Variants in SEMA5A observed in about 807,000 individuals in gnomAD.
The protein encoded by SEMA5A is semaphorin 5A, also known as semaphorin-5A.
A neutral mutation model predicts 135.5 loss-of-function variants in SEMA5A; 55 were observed. The ratio of observed to expected loss-of-function variants is 0.41; its 90% CI spans 0.33 to 0.51. The LOEUF (loss-of-function observed/expected upper bound fraction) is 0.51, where lower values mean the gene tolerates loss of function less well. Ranked by LOEUF, SEMA5A falls within the 20% of genes least tolerant of loss-of-function variation. The pLI, the probability that SEMA5A is intolerant of heterozygous loss-of-function variation, is 0.37. For synonymous variants in SEMA5A, 580 were observed against 546.5 expected, an observed-to-expected ratio of 1.06 and a Z score of -0.85; for missense variants, 1,290 against 1,419.9, an observed-to-expected ratio of 0.91 and a Z score of 1.47.
intron 2 of SEMA5A, among the ~76,000 whole-genome samples, chr5:9,404,259 A>G (rs1756788027): frequency 6.6e-6 from 1 of 152,154 alleles, no homozygotes; most frequent in African/African-American, 2.4e-5. Context: ...AAAGAATTAC[A>G]TATGATTTCT....
At chr5:9,349,100 C>T (rs1754001457) in intron 3 of SEMA5A, among the ~76,000 whole-genome samples, 3 of 152,214 alleles carry the variant, frequency 2.0e-5, no homozygotes, top group South Asian at 4.1e-4. Context: ...AGCTGTGGAA[C>T]TCAGGAGACA....
intron 1 of SEMA5A, among the ~76,000 whole-genome samples, chr5:9,529,900 G>A (rs1737347380): frequency 6.6e-6 from 1 of 152,178 alleles, no homozygotes; most frequent in Admixed American, 6.5e-5. Context: ...ATCTTCCCTT[G>A]TATCATTGGA....
Position 9,381,971 on chromosome 5 carries a change from TGTGTGTGTGTGC to T in SEMA5A, c.-77-1960_-77-1949del, listed in dbSNP as rs1411460273. Among the ~76,000 whole-genome samples, 20 of 128,832 alleles carry T rather than the reference TGTGTGTGTGTGC, an allele frequency of 1.6e-4. 1 individual carries two copies. Among genetic ancestry groups the T allele is most frequent in the African/African-American group, 5.1e-4 (15 of 29,640 alleles). 84.5% of individuals were successfully genotyped at this position (128,832 alleles called of 152,430 possible). On this transcript the variant is annotated intron_variant, in intron 2 of 22. Transcript: ENST00000382496. Reference sequence around the variant, plus strand: ...GTGTGTGTGTGTGTGTGTGTGTGTGTGTGTGTGTGTGCGCGCGCGCGCACATCAAGTTTCAGA... The same window carrying T: ...GTGTGTGTGTGTGTGTGTGTGTGTGTGCGCGCGCGCACATCAAGTTTCAGA...
At chr5:9,451,378 G>A (rs963999008) in intron 1 of SEMA5A, among the ~76,000 whole-genome samples, 2 of 152,166 alleles carry the variant, frequency 1.3e-5, no homozygotes, top group African/African-American at 4.8e-5. Context: ...TCATTAGACT[G>A]GGAACAAACT....
intron 3 of SEMA5A, among the ~76,000 whole-genome samples, chr5:9,361,684 C>T (rs1754701904): frequency 1.3e-5 from 2 of 152,212 alleles, no homozygotes; most frequent in Admixed American, 1.3e-4. Flanking sequence ...CATATTGATG[C>T]TACTAGGTTG....
chr5:9,387,602 A>C (rs983369149), intron 2 of SEMA5A, among the ~76,000 whole-genome samples: 4 of 152,216 alleles, frequency 2.6e-5, no homozygotes, highest in African/African-American at 9.6e-5. Flanking sequence ...ATCAAAGCCC[A>C]CGGTGTGTTC....
rs993992466 is a variant in SEMA5A, at chr5:9,545,350, A to C, written c.-175+234T>G. On this transcript the variant is annotated intron_variant, in intron 1 of 22. Transcript: ENST00000382496. This position sits in a 1 kb window ranked among gnomAD's most constrained non-coding sequence, Gnocchi z 4.5. ...CTCAGACCTCGGCACAGGCGGGTACACAAACTTCCAGCCCGTGCACTAGCT... is the reference window on the plus strand; with the variant it reads ...CTCAGACCTCGGCACAGGCGGGTACCCAAACTTCCAGCCCGTGCACTAGCT... Among the ~76,000 whole-genome samples, 4 of 151,550 alleles carry C rather than the reference A, an allele frequency of 2.6e-5. No individual in the cohort carries two copies. In the South Asian group the frequency reaches 8.3e-4, roughly 32 times the overall value.
intron 1 of SEMA5A, among the ~76,000 whole-genome samples, chr5:9,504,597 C>T (rs555341785): frequency 2.0e-5 from 3 of 152,286 alleles, no homozygotes; most frequent in South Asian, 4.1e-4. Context: ...GGGAATGCTT[C>T]GTAGGACTTA....
intron 11 of SEMA5A, among the ~76,000 whole-genome samples, chr5:9,161,238 G>A (rs1448039212): frequency 6.6e-6 from 1 of 152,064 alleles, no homozygotes; most frequent in Non-Finnish European, 1.5e-5. Flanking sequence ...TGGGAACGCA[G>A]TGACCTGAAC....
rs1355737056 is a variant in SEMA5A, at chr5:9,037,562, A to ATAAG, written c.*5331_*5334dup. On this transcript the variant is annotated 3_prime_UTR_variant, in exon 23 of 23. Coordinates refer to ENST00000382496, the MANE Select transcript of SEMA5A (RefSeq NM_003966.3). ...ACAATGTGTACAATGCATCTTTAAT[A>ATAAG]TAAGTCCATAGGAAAGGAGTATTTA... 2 of 152,230 alleles carry ATAAG rather than the reference A, an allele frequency of 1.3e-5. No homozygotes were observed. Among genetic ancestry groups the ATAAG allele is most frequent in the South Asian group, 2.1e-4 (1 of 4,838 alleles). The allele number at this position is 152,230 out of a possible 1,614,324, so 9.4% of individuals were successfully genotyped here.
At chr5:9,288,837 A>G (rs1303658951) in intron 5 of SEMA5A, among the ~76,000 whole-genome samples, 1 of 152,246 alleles carries the variant, frequency 6.6e-6, no homozygotes, top group Non-Finnish European at 1.5e-5. Context: ...TATCTCATTC[A>G]TATCATGTTG....
intron 5 of SEMA5A, among the ~76,000 whole-genome samples, chr5:9,298,454 A>G (rs1233247911): frequency 6.6e-6 from 1 of 152,218 alleles, no homozygotes; most frequent in African/African-American, 2.4e-5. Context: ...TGTTGTGTTA[A>G]GCCACCTAGC....
Position 9,066,649 on chromosome 5 carries a change from G to A in SEMA5A, c.2074-3C>T, listed in dbSNP as rs979017150. 6.2e-7 allele frequency: 1 copy of A among 1,613,192 alleles called. No homozygotes were observed. Among genetic ancestry groups the A allele is most frequent in the Admixed American group, 1.7e-5 (1 of 59,986 alleles). On this transcript the variant is annotated splice_polypyrimidine_tract_variant and splice_region_variant and intron_variant, in intron 16 of 22. Transcript: ENST00000382496. ...TTGGTGTTGCAAGACTGGTACTCCT[G>A]GGGAGAATGCGCAGACGAGTGTTAC...
At chr5:9,328,208 C>G (rs772401294) in intron 4 of SEMA5A, among the ~76,000 whole-genome samples, 91 of 152,148 alleles carry the variant, frequency 6.0e-4, no homozygotes, top group African/African-American at 1.9e-3. Context: ...TGAAACGTGT[C>G]TCAAATCTGG....
intron 3 of SEMA5A, among the ~76,000 whole-genome samples, chr5:9,369,244 G>A (rs1329383810): frequency 6.6e-6 from 1 of 152,186 alleles, no homozygotes; most frequent in Admixed American, 6.5e-5. Flanking sequence ...GTATCTCTGT[G>A]TGTGTGTGTA....
intron 8 of SEMA5A, among the ~76,000 whole-genome samples, chr5:9,213,104 G>T (rs1217151203): frequency 6.6e-6 from 1 of 152,106 alleles, no homozygotes; most frequent in Non-Finnish European, 1.5e-5. Flanking sequence ...TTGTTTACTC[G>T]GGCACGAATC....
intron 1 of SEMA5A, among the ~76,000 whole-genome samples, chr5:9,442,734 C>G (rs1295520503): frequency 6.6e-6 from 1 of 152,096 alleles, no homozygotes; most frequent in Admixed American, 6.5e-5. Flanking sequence ...AATATATTAA[C>G]TATCTAAAAT....
chr5:9,212,150 T>C (rs1368002275), intron 8 of SEMA5A, among the ~76,000 whole-genome samples: 1 of 152,228 alleles, frequency 6.6e-6, no homozygotes, highest in African/African-American at 2.4e-5. Flanking sequence ...AAGCACATAA[T>C]TCCTTCAAAA....
chr5:9,384,585 TA>T (rs1755761793), intron 2 of SEMA5A, among the ~76,000 whole-genome samples: 1 of 117,404 alleles, frequency 8.5e-6, no homozygotes, highest in African/African-American at 3.1e-5. Context: ...GATAGATAGA[TA>T]GATAGATAGA....
Sources: gnomAD v4.1 joint callset for allele counts (sites outside exome capture counted in the v4.1 genomes callset) on GRCh38, gnomAD v4.1.1 for gene constraint, Gnocchi (gnomAD v3.1) non-coding constraint, MANE v1.5 for transcripts, NCBI Gene and HGNC (gene_info 2026-07-23, HGNC 2026-07-21) for gene names.